Variants in SUPT6H observed in about 807,000 individuals in gnomAD.
The protein encoded by SUPT6H is transcription elongation factor SPT6.
In SUPT6H, 11 loss-of-function variants were observed where a neutral mutation model predicts 222.3. The observed-to-expected ratio is 0.05, with a 90% CI of 0.03 to 0.08. The LOEUF is 0.08. Among genes scored for constraint, SUPT6H ranks in the 10% least tolerant of loss-of-function variants. SUPT6H has a pLI of 1.00. For missense variants in SUPT6H, 1,422 were observed against 2,216.0 expected (o/e 0.64, Z 7.19); for synonymous variants, 762 against 801.2 (o/e 0.95, Z 0.83).
At chr17:28,673,220 C>T (rs1041880893) in intron 1 of SUPT6H, among the ~76,000 whole-genome samples, 151 bp from the exon 2 acceptor site, 2 of 151,456 alleles carry the variant, frequency 1.3e-5, no homozygotes, top group Non-Finnish European at 2.9e-5. Context: ...AGAGTTGGAA[C>T]CATCAGATTC....
At chr17:28,700,538 C>T in intron 35 of SUPT6H, 26 bp downstream of exon 35, 3 of 1,607,692 alleles carry the variant, frequency 1.9e-6, no homozygotes, top group South Asian at 2.2e-5. Flanking sequence ...AGGAAGCTCC[C>T]TGTGCAGGGT....
chr17:28,682,030 AGTTACCC>A, intron 13 of SUPT6H, 50 bp downstream of exon 13: 3 of 1,484,988 alleles, frequency 2.0e-6, no homozygotes, highest in African/African-American at 2.8e-5. Flanking sequence ...GAGCAAGGGG[AGTTACCC>A]AGAAAAAAGA....
intron 1 of SUPT6H, among the ~76,000 whole-genome samples, chr17:28,668,620 G>A (rs1179520738): frequency 6.6e-6 from 1 of 152,216 alleles, no homozygotes; most frequent in Non-Finnish European, 1.5e-5. Flanking sequence ...GAAAGCTGTT[G>A]TTTTCATCAG....
At position 28,676,231 on chromosome 17, in the gene SUPT6H, A is replaced by G. The variant is rs1442479139; in HGVS notation, c.698A>G (p.Asp233Gly). 6.2e-7 allele frequency: 1 copy of G among 1,613,428 alleles called. No homozygotes were observed. The highest frequency in any genetic ancestry group is 8.5e-7 in the Non-Finnish European group (1 of 1,179,828). Residue 233 changes from aspartate (D) to glycine (G), a missense_variant, in exon 7 of 37, where the codon GAT becomes GGT. Asp to Gly is a moderately conservative substitution (Grantham distance 94, BLOSUM62 -1). This residue lies in a region of SUPT6H where 389 missense variants were observed against 544.6 expected (regional missense o/e 0.71). Transcript: ENST00000314616. Reference sequence around the variant, plus strand: ...GAATTTGAGAAATACAATGAGTATGATGAAGAACTGGAGGAAGAGTATGAG... The same window carrying G: ...GAATTTGAGAAATACAATGAGTATGGTGAAGAACTGGAGGAAGAGTATGAG... ...YDEFEKYNEY[D>G]EELEEEYEYE...
At chr17:28,673,107 C>T (rs887925349) in intron 1 of SUPT6H, among the ~76,000 whole-genome samples, 4 of 150,010 alleles carry the variant, frequency 2.7e-5, no homozygotes, top group Admixed American at 6.7e-5. Context: ...ACGGAGATTG[C>T]GCCACTGTAC....
At chr17:28,691,184 A>G in intron 27 of SUPT6H, 121 bp downstream of exon 27, 4 of 1,325,610 alleles carry the variant, frequency 3.0e-6, no homozygotes, top group Non-Finnish European at 4.1e-6. Flanking sequence ...GTACACAAAG[A>G]AGGAAGACGG....
At chr17:28,663,040 C>T (rs183699982) in intron 1 of SUPT6H, among the ~76,000 whole-genome samples, 1 of 152,296 alleles carries the variant, frequency 6.6e-6, no homozygotes, top group Admixed American at 6.5e-5. Context: ...GTTGCAAGAA[C>T]TGATACTTAT....
chr17:28,701,620 C>A lies in SUPT6H; in HGVS notation c.5176C>A (p.Arg1726=). 1 of 1,607,504 alleles carries A rather than the reference C, an allele frequency of 6.2e-7. No homozygotes were observed. The highest frequency in any genetic ancestry group is 8.5e-7 in the Non-Finnish European group (1 of 1,175,186). The part of the protein sequence containing the change: ...DATPLLDEMD[R] ...CACCCCACTCCTGGACGAGATGGAT[C>A]GGTAGGGGGCCTGCTCCTCGGACTC... The change falls in exon 37 of 37, where the codon CGG becomes AGG. Residue 1726 remains arginine (R), a synonymous_variant. Transcript: ENST00000314616.
intron 36 of SUPT6H, 83 bp downstream of exon 36, chr17:28,701,211 G>A: frequency 6.6e-7 from 1 of 1,512,252 alleles, no homozygotes. Flanking sequence ...GCAGAGGCAG[G>A]TGCTCTGGAT....
At chr17:28,685,342 T>C (rs1433922989) in intron 19 of SUPT6H, among the ~76,000 whole-genome samples, 1 of 152,188 alleles carries the variant, frequency 6.6e-6, no homozygotes, top group Non-Finnish European at 1.5e-5. Flanking sequence ...TTCAATTCAT[T>C]TGGTTGGTAT....
intron 7 of SUPT6H, 30 bp from the exon 8 acceptor site, chr17:28,677,685 C>A (rs7207976): frequency 0.68 from 1,033,244 of 1,508,872 alleles, 357,522 homozygotes; most frequent in East Asian, 0.78. Flanking sequence ...AGATAAAGTC[C>A]GTCTCACCCT....
chr17:28,685,472 CATTATTATTATTATTATT>C (rs3076012), intron 19 of SUPT6H, among the ~76,000 whole-genome samples: 67 of 144,394 alleles, frequency 4.6e-4, no homozygotes, highest in East Asian at 1.6e-3. Context: ...TTATTATTAT[CATTATTATTATTATTATT>C]ATTATTATTA....
chr17:28,681,352 C>T lies in SUPT6H; in HGVS notation c.1446C>T (p.Ala482=). The T allele has an allele frequency of 6.2e-7, 1 of 1,612,654 alleles. No individual in the cohort carries two copies. Among genetic ancestry groups the T allele is most frequent in the Non-Finnish European group, 8.5e-7 (1 of 1,179,588 alleles). Residue 482 remains alanine (A), a synonymous_variant, in exon 12 of 37, where the codon GCC becomes GCT. Coordinates refer to ENST00000314616, the MANE Select transcript of SUPT6H (RefSeq NM_003170.5). The part of the protein sequence containing the change: ...GRDIPKMQNA[A]KASRKKLKRV... Reference sequence around the variant, plus strand: ...ACATCCCTAAGATGCAGAACGCCGCCAAAGCTAGCCGCAAGAAGCTGAAGC... The same window carrying T: ...ACATCCCTAAGATGCAGAACGCCGCTAAAGCTAGCCGCAAGAAGCTGAAGC...
At chr17:28,690,800 G>A (rs2031604947) in intron 26 of SUPT6H, 121 bp from the exon 27 acceptor site, 1 of 1,145,604 alleles carries the variant, frequency 8.7e-7, no homozygotes, top group African/African-American at 1.6e-5. Context: ...ATAAAAATCG[G>A]GAAGAGTTCC....
At chr17:28,677,104 G>C (rs2030794311) in intron 7 of SUPT6H, among the ~76,000 whole-genome samples, 1 of 151,628 alleles carries the variant, frequency 6.6e-6, no homozygotes, top group African/African-American at 2.4e-5. Context: ...CAGGCACGGT[G>C]ACTCACGCCT....
chr17:28,700,115 A>T, intron 33 of SUPT6H, 58 bp from the exon 34 acceptor site: 1 of 1,611,718 alleles, frequency 6.2e-7, no homozygotes, highest in South Asian at 1.1e-5. Context: ...CACCCCCTGA[A>T]TTGGGAAACC....
chr17:28,674,525 T>G lies in SUPT6H; in HGVS notation c.269-12T>G, dbSNP rs1378765785. On this transcript the variant is annotated splice_polypyrimidine_tract_variant and intron_variant, in intron 3 of 36. Transcript: ENST00000314616. ...CAACCCCATCACCATGGGCAACACT[T>G]TGTTTCTTCAGCCTCTTTTGATGAC... is the stretch of plus-strand genomic sequence containing the variant. The G allele has an allele frequency of 6.2e-7, 1 of 1,614,158 alleles. No individual in the cohort carries two copies. The highest frequency in any genetic ancestry group is 8.5e-7 in the Non-Finnish European group (1 of 1,180,004).
intron 6 of SUPT6H, 131 bp from the exon 7 acceptor site, chr17:28,676,026 A>ATATGGT: frequency 9.5e-7 from 1 of 1,052,638 alleles, no homozygotes; most frequent in Non-Finnish European, 1.3e-6. Context: ...TCCACAGTGA[A>ATATGGT]TATGGTTATT....
chr17:28,700,614 C>T (rs919444535), intron 35 of SUPT6H, 102 bp downstream of exon 35: 90 of 1,441,154 alleles, frequency 6.2e-5, no homozygotes, highest in Non-Finnish European at 8.2e-5. Context: ...GGGGCTGCCA[C>T]GGCCTTGGTA....
Sources: gnomAD v4.1 joint callset for allele counts (sites outside exome capture counted in the v4.1 genomes callset) on GRCh38, gnomAD v4.1.1 for gene constraint, gnomAD v4.1.1 regional missense constraint, MANE v1.5 for transcripts, NCBI Gene and HGNC (gene_info 2026-07-23, HGNC 2026-07-21) for gene names.